Variants in GNB4 observed in about 807,000 individuals in gnomAD.
The protein encoded by GNB4 is G protein subunit beta 4.
In GNB4, 28 loss-of-function variants were observed where a neutral mutation model predicts 45.2. That is an observed-to-expected ratio of 0.62 (90% CI 0.46 to 0.85). The LOEUF (loss-of-function observed/expected upper bound fraction) is 0.85. Among genes scored for constraint, GNB4 ranks in the 40% least tolerant of loss-of-function variants. The pLI, the probability that GNB4 is intolerant of heterozygous loss-of-function variation, is 0.00. For missense variants in GNB4, 321 were observed against 425.4 expected (o/e 0.75, Z 2.16); for synonymous variants, 132 against 143.7 (o/e 0.92, Z 0.58).
At chr3:179,494,632 A>G in the GNB4 span, among the ~76,000 whole-genome samples, 1 of 152,028 alleles carries the variant, frequency 6.6e-6, no homozygotes, top group Non-Finnish European at 1.5e-5. Flanking sequence ...GGAAGGGGCC[A>G]GGCGCAGTGG....
At chr3:179,439,429 C>T (rs1313632855) in intron 1 of GNB4, among the ~76,000 whole-genome samples, 1 of 152,176 alleles carries the variant, frequency 6.6e-6, no homozygotes, top group African/African-American at 2.4e-5. Flanking sequence ...AAACCTGCCT[C>T]CCATTATGGT....
chr3:179,419,304 T>G (rs374373553), intron 4 of GNB4, 95 bp downstream of exon 4: 4 of 814,892 alleles, frequency 4.9e-6, no homozygotes, highest in Non-Finnish European at 8.6e-6. Flanking sequence ...TTCATGAATA[T>G]ATTCTGTTTT....
intron 1 of GNB4, among the ~76,000 whole-genome samples, chr3:179,429,861 C>A (rs751845623): frequency 1.3e-5 from 2 of 152,180 alleles, no homozygotes; most frequent in Non-Finnish European, 2.9e-5. Flanking sequence ...TCTGCTTTTG[C>A]TATCAAATAT....
At chr3:179,492,871 A>C in the GNB4 span, among the ~76,000 whole-genome samples, 1 of 152,192 alleles carries the variant, frequency 6.6e-6, no homozygotes, top group Non-Finnish European at 1.5e-5. Context: ...ACTGAAGTCC[A>C]CAACATCCTT....
intron 9 of GNB4, among the ~76,000 whole-genome samples, chr3:179,403,277 T>C (rs1714359010): frequency 7.1e-6 from 1 of 140,182 alleles, no homozygotes; most frequent in Admixed American, 7.0e-5. Context: ...ATTCTAAAAA[T>C]AAAGACAGGA....
chr3:179,403,226 C>A (rs151203069), intron 9 of GNB4, among the ~76,000 whole-genome samples: 1 of 151,618 alleles, frequency 6.6e-6, no homozygotes, highest in Admixed American at 6.6e-5. Context: ...TTTAGTGCCT[C>A]GCTCTTAAGT....
the GNB4 span, among the ~76,000 whole-genome samples, chr3:179,468,044 A>ATATATATATATATATATATATATATG: frequency 3.0e-3 from 300 of 99,002 alleles, 29 homozygotes; most frequent in Middle Eastern, 0.017. Context: ...AAATATATAT[A>ATATATATATATATATATATATATATG]TATATAGAAC....
Position 179,432,726 on chromosome 3 carries a change from A to G in GNB4, c.-42-6484T>C, listed in dbSNP as rs574087973. On this transcript the variant is annotated intron_variant, in intron 1 of 9. Coordinates refer to ENST00000232564, the MANE Select transcript of GNB4 (RefSeq NM_021629.4). ...AAGTAGCTCCCTCAGGCTGTTTATC[A>G]GAAGCATGCGTAAATTCAGGGAAGG... 3.3e-3 allele frequency among the ~76,000 whole-genome samples: 503 copies of G among 152,370 alleles called. 1 individual carries two copies. The highest frequency in any genetic ancestry group is 0.011 in the African/African-American group (477 of 41,592).
the GNB4 span, among the ~76,000 whole-genome samples, chr3:179,513,140 A>G: frequency 6.6e-6 from 1 of 151,660 alleles, no homozygotes; most frequent in African/African-American, 2.4e-5. Context: ...CATATACTTA[A>G]AATTTTTTCA....
chr3:179,484,532 T>C, the GNB4 span, among the ~76,000 whole-genome samples: 1 of 152,202 alleles, frequency 6.6e-6, no homozygotes, highest in Admixed American at 6.5e-5. Flanking sequence ...GAGGTGACAC[T>C]ACCTTCCTGT....
At chr3:179,510,934 C>T in the GNB4 span, among the ~76,000 whole-genome samples, 1 of 152,138 alleles carries the variant, frequency 6.6e-6, no homozygotes, top group Non-Finnish European at 1.5e-5. Flanking sequence ...TGAAGTTTGG[C>T]GAATTTTGTT....
intron 8 of GNB4, chr3:179,410,277 A>G (rs903930998): frequency 6.6e-6 from 1 of 152,256 alleles, no homozygotes; most frequent in African/African-American, 2.4e-5. Context: ...TGAAAGATCA[A>G]TGAAACAGAA....
At chr3:179,522,542 G>A in the GNB4 span, among the ~76,000 whole-genome samples, 2 of 152,162 alleles carry the variant, frequency 1.3e-5, no homozygotes, top group Non-Finnish European at 2.9e-5. Flanking sequence ...CAAGAGTGAG[G>A]GCCTGAGTTA....
At chr3:179,406,675 C>A (rs1476643526) in intron 8 of GNB4, among the ~76,000 whole-genome samples, 1 of 152,088 alleles carries the variant, frequency 6.6e-6, no homozygotes, top group African/African-American at 2.4e-5. Flanking sequence ...TGCAGTGGTA[C>A]AATCTCAGCT....
chr3:179,460,706 G>A, the GNB4 span, among the ~76,000 whole-genome samples: 2 of 151,698 alleles, frequency 1.3e-5, no homozygotes, highest in Non-Finnish European at 2.9e-5. Context: ...GTCTCACTAT[G>A]TTGCTCACAC....
At chr3:179,500,577 G>A in the GNB4 span, among the ~76,000 whole-genome samples, 1 of 152,104 alleles carries the variant, frequency 6.6e-6, no homozygotes, top group Non-Finnish European at 1.5e-5. Flanking sequence ...CTCTTTTTTG[G>A]TTCCATATGA....
At chr3:179,506,185 A>T in the GNB4 span, among the ~76,000 whole-genome samples, 1 of 152,112 alleles carries the variant, frequency 6.6e-6, no homozygotes, top group Non-Finnish European at 1.5e-5. Context: ...TCAATATAAA[A>T]AAATTAGCCA....
chr3:179,428,337 A>C (rs1227049933), intron 1 of GNB4, among the ~76,000 whole-genome samples: 3 of 152,138 alleles, frequency 2.0e-5, no homozygotes, highest in Non-Finnish European at 1.5e-5. Context: ...TTCCCTGATA[A>C]AGTTTGATTG....
intron 1 of GNB4, among the ~76,000 whole-genome samples, chr3:179,444,142 A>G (rs978668320): frequency 3.9e-5 from 6 of 152,196 alleles, no homozygotes; most frequent in Admixed American, 3.9e-4. Flanking sequence ...GTGAGTCAAC[A>G]CATAAACATG....
Sources: allele counts gnomAD v4.1 joint callset (sites outside exome capture counted in the v4.1 genomes callset), GRCh38; gene constraint gnomAD v4.1.1; transcripts MANE v1.5; gene names NCBI Gene and HGNC (gene_info 2026-07-23, HGNC 2026-07-21).